Variants in GALK2 observed in about 807,000 individuals in gnomAD.
GALK2 encodes the protein galactokinase 2.
GALK2 carries 36 observed loss-of-function variants against 52.4 expected under a neutral mutation model. The ratio of observed to expected loss-of-function variants is 0.69; its 90% CI spans 0.53 to 0.91. The LOEUF is 0.91. GALK2 is among the 40% of genes least tolerant of loss of function. The pLI is 0.00. For synonymous variants in GALK2, 176 were observed against 199.1 expected, an observed-to-expected ratio of 0.88 and a Z score of 0.98; for missense variants, 579 against 559.1, an observed-to-expected ratio of 1.04 and a Z score of -0.36.
At chr15:49,361,710 C>T (rs1388905670) in intron 3 of GALK2, among the ~76,000 whole-genome samples, 2 of 151,954 alleles carry the variant, frequency 1.3e-5, no homozygotes, top group African/African-American at 2.4e-5. Context: ...TGAGCATACG[C>T]GTGAATGTAT....
At chr15:49,183,993 A>G (rs961643144) in intron 1 of GALK2, among the ~76,000 whole-genome samples, 1 of 152,220 alleles carries the variant, frequency 6.6e-6, no homozygotes, top group Non-Finnish European at 1.5e-5. Flanking sequence ...CATTTGTTAT[A>G]GTGCAGATTA....
chr15:49,332,291 G>C (rs570393399), downstream of GALK2, among the ~76,000 whole-genome samples: 2 of 152,152 alleles, frequency 1.3e-5, no homozygotes, highest in Non-Finnish European at 2.9e-5. Flanking sequence ...CTCTAGCCCA[G>C]ACTTTAAGGA....
intron 7 of GALK2, among the ~76,000 whole-genome samples, chr15:49,285,654 G>A (rs756743960): frequency 3.9e-5 from 6 of 152,154 alleles, no homozygotes; most frequent in Non-Finnish European, 7.3e-5. Context: ...TGAGCATGTT[G>A]AAATTGAACT....
chr15:49,241,375 C>A (rs1242739234), intron 5 of GALK2, among the ~76,000 whole-genome samples: 1 of 151,940 alleles, frequency 6.6e-6, no homozygotes, highest in African/African-American at 2.4e-5. Context: ...GAGGAATGGG[C>A]ATAGGAAGGG....
rs563184262 is a variant in GALK2, at chr15:49,346,743, T to C, written c.427-20748T>C. Among the ~76,000 whole-genome samples, 8 of 152,270 alleles carry C rather than the reference T, an allele frequency of 5.3e-5. 1 individual carries two copies. The highest frequency in any genetic ancestry group is 1.9e-4 in the African/African-American group (8 of 41,562). On this transcript the variant is annotated intron_variant, in intron 3 of 3. Coordinates refer to the GALK2 transcript ENST00000558399. The stretch of plus-strand genomic sequence containing the variant: ...CCCATTATACACATAATGCTAATTG[T>C]ATAACAAGTAAAAGGAAGCTAGGCA...
intron 5 of GALK2, among the ~76,000 whole-genome samples, chr15:49,281,592 C>T (rs1474057682): frequency 2.0e-5 from 3 of 152,124 alleles, no homozygotes; most frequent in Admixed American, 2.0e-4. Context: ...TATGGGTAGA[C>T]TGTGGAATAG....
intron 1 of GALK2, among the ~76,000 whole-genome samples, chr15:49,176,623 C>T (rs1198157246): frequency 1.3e-5 from 2 of 152,168 alleles, no homozygotes; most frequent in African/African-American, 4.8e-5. Context: ...ATTCTGTTAG[C>T]ATAGTTCATT....
At chr15:49,237,614 T>C (rs1436553124) in intron 4 of GALK2, among the ~76,000 whole-genome samples, 2 of 151,990 alleles carry the variant, frequency 1.3e-5, no homozygotes, top group Admixed American at 1.3e-4. Flanking sequence ...GTAGCTGGGA[T>C]TACAGGTGCC....
intron 2 of GALK2, among the ~76,000 whole-genome samples, chr15:49,212,124 G>A (rs556477475): frequency 4.0e-5 from 6 of 151,880 alleles, no homozygotes; most frequent in South Asian, 4.2e-4. Context: ...ATGGAGTCTC[G>A]CTCTGTTGCC....
intron 1 of GALK2, among the ~76,000 whole-genome samples, chr15:49,198,694 T>C (rs1021371698): frequency 1.1e-4 from 17 of 151,786 alleles, no homozygotes; most frequent in African/African-American, 4.1e-4. Flanking sequence ...TACTTTCCTC[T>C]TTTTCTTTCC....
intron 2 of GALK2, among the ~76,000 whole-genome samples, chr15:49,215,299 C>T (rs1284157302): frequency 2.0e-5 from 3 of 152,136 alleles, no homozygotes; most frequent in East Asian, 1.9e-4. Flanking sequence ...ATCAGTATTT[C>T]ACTGAATAAA....
At chr15:49,367,439 A>G in intron 3 of GALK2, 2 of 1,544,146 alleles carry the variant, frequency 1.3e-6, no homozygotes, top group Non-Finnish European at 1.7e-6. Context: ...AAAGCTTTAA[A>G]AAGGATATGG....
At chr15:49,193,029 G>A (rs1002827513) in intron 1 of GALK2, among the ~76,000 whole-genome samples, 35 of 135,796 alleles carry the variant, frequency 2.6e-4, no homozygotes, top group Non-Finnish European at 4.9e-4. Flanking sequence ...ATGGAATCTC[G>A]CTCTGTTGCC....
chr15:49,238,949 T>A (rs567628547), intron 4 of GALK2, among the ~76,000 whole-genome samples: 11 of 152,316 alleles, frequency 7.2e-5, no homozygotes, highest in African/African-American at 1.7e-4. Flanking sequence ...CAAGGCAATT[T>A]TATATTTTTT....
chr15:49,177,781 T>C (rs1050893491), intron 1 of GALK2: 2 of 597,398 alleles, frequency 3.3e-6, no homozygotes, highest in South Asian at 4.2e-5. Context: ...GGTGGCAGGA[T>C]TTTTTCTGAC....
At chr15:49,200,536 G>A (rs2087652911) in intron 1 of GALK2, among the ~76,000 whole-genome samples, 1 of 152,168 alleles carries the variant, frequency 6.6e-6, no homozygotes, top group Admixed American at 6.5e-5. Context: ...CAGACAGAAT[G>A]CCATGTGATG....
At chr15:49,232,611 T>A (rs2090563319) in intron 3 of GALK2, among the ~76,000 whole-genome samples, 1 of 152,214 alleles carries the variant, frequency 6.6e-6, no homozygotes, top group Non-Finnish European at 1.5e-5. Flanking sequence ...CTTTTAAATA[T>A]AAGTTTCAGT....
At chr15:49,164,528 C>T (rs535920237) in intron 1 of GALK2, among the ~76,000 whole-genome samples, 13 of 151,898 alleles carry the variant, frequency 8.6e-5, no homozygotes, top group East Asian at 7.8e-4. Flanking sequence ...TACCTGTAAT[C>T]GCAGCACTTT....
intron 5 of GALK2, among the ~76,000 whole-genome samples, chr15:49,276,259 C>A (rs923516037): frequency 1.3e-5 from 2 of 152,126 alleles, no homozygotes; most frequent in African/African-American, 4.8e-5. Flanking sequence ...CGGGAGTGAA[C>A]CCCTTCTTCA....
Sources: allele counts gnomAD v4.1 joint callset (sites outside exome capture counted in the v4.1 genomes callset), GRCh38; gene constraint gnomAD v4.1.1; transcripts MANE v1.5; gene names NCBI Gene and HGNC (gene_info 2026-07-23, HGNC 2026-07-21).